The following ADAMTSL2 variants were observed in gnomAD, a reference collection of about 807,000 sequenced individuals.
ADAMTSL2 encodes ADAMTS like 2.
In ADAMTSL2, 55 loss-of-function variants were observed where a neutral mutation model predicts 117.0. The ratio of observed to expected loss-of-function variants is 0.47; its 90% CI spans 0.38 to 0.59. The LOEUF is 0.59. Ranked by LOEUF, ADAMTSL2 falls within the 20% of genes least tolerant of loss-of-function variation. The probability of loss-of-function intolerance (pLI) is 0.00; values close to 1 mark genes in which losing one functional copy is unlikely to be tolerated. For synonymous variants in ADAMTSL2, 572 were observed against 566.4 expected, an observed-to-expected ratio of 1.01 and a Z score of -0.14; for missense variants, 1,182 against 1,354.5, an observed-to-expected ratio of 0.87 and a Z score of 2.00.
At chr9:133,543,802 A>G (rs1564496597) in intron 7 of ADAMTSL2, among the ~76,000 whole-genome samples, 2 of 152,242 alleles carry the variant, frequency 1.3e-5, no homozygotes, top group African/African-American at 4.8e-5. Flanking sequence ...GCCACCTGCC[A>G]GCAATGCCTC....
At chr9:133,553,377 G>A (rs1830530641) in intron 9 of ADAMTSL2, among the ~76,000 whole-genome samples, 3 of 152,082 alleles carry the variant, frequency 2.0e-5, no homozygotes, top group Admixed American at 1.3e-4. Flanking sequence ...TGCAGGACAC[G>A]AGGGTGTCTT....
chr9:133,538,644 A>C (rs1830114158), intron 4 of ADAMTSL2, among the ~76,000 whole-genome samples: 1 of 152,026 alleles, frequency 6.6e-6, no homozygotes, highest in Non-Finnish European at 1.5e-5. Flanking sequence ...ACATGTGCTC[A>C]GCAATGCTGG....
chr9:133,551,050 C>A (rs1206993171), intron 9 of ADAMTSL2, among the ~76,000 whole-genome samples: 1 of 152,192 alleles, frequency 6.6e-6, no homozygotes, highest in Non-Finnish European at 1.5e-5. Context: ...AGCCACTTGC[C>A]ACCACCCATG....
chr9:133,540,171 C>T (rs1830180791), intron 5 of ADAMTSL2, among the ~76,000 whole-genome samples: 1 of 152,208 alleles, frequency 6.6e-6, no homozygotes, highest in South Asian at 2.1e-4. Context: ...AGACAGGAAC[C>T]AGCCTAGACG....
chr9:133,561,794 T>G (rs914301272), intron 12 of ADAMTSL2, among the ~76,000 whole-genome samples: 81 of 150,950 alleles, frequency 5.4e-4, no homozygotes, highest in African/African-American at 1.7e-3. Context: ...CAGACAGATG[T>G]GTGTGGTTAG....
At chr9:133,534,539 C>G (rs1297196556), upstream of ADAMTSL2, 4 of 791,916 alleles carry the variant, frequency 5.1e-6, no homozygotes, top group Non-Finnish European at 6.8e-6. Flanking sequence ...CCGGCAGCAG[C>G]CAACAGGCAG....
chr9:133,574,309 C>G (rs1237323493), intron 18 of ADAMTSL2, among the ~76,000 whole-genome samples: 1 of 152,190 alleles, frequency 6.6e-6, no homozygotes, highest in Non-Finnish European at 1.5e-5. Flanking sequence ...TCCAGGATGA[C>G]TCAGCTGGAG....
chr9:133,534,585 C>T, upstream of ADAMTSL2: 1 of 1,139,416 alleles, frequency 8.8e-7, no homozygotes, highest in Non-Finnish European at 1.1e-6. Flanking sequence ...AGGCGCAGAG[C>T]GGGTTAAAGT....
chr9:133,561,534 C>CGGGCTACCACCA (rs1392010966), intron 12 of ADAMTSL2, among the ~76,000 whole-genome samples: 1 of 152,114 alleles, frequency 6.6e-6, no homozygotes, highest in Non-Finnish European at 1.5e-5. Context: ...GGGGGTCATC[C>CGGGCTACCACCA]GGGCTACCAC....
intron 6 of ADAMTSL2, 28 bp from the exon 7 acceptor site, chr9:133,540,850 G>A (rs1032164953): frequency 1.7e-5 from 28 of 1,613,272 alleles, no homozygotes; most frequent in Middle Eastern, 1.6e-4. Flanking sequence ...CGCCCTCCCA[G>A]CAGCCCTCTC....
intron 6 of ADAMTSL2, 26 bp downstream of exon 6, chr9:133,540,769 C>T (rs769018713): frequency 1.7e-5 from 27 of 1,613,510 alleles, no homozygotes; most frequent in Middle Eastern, 1.6e-4. Flanking sequence ...AGCAAAAGTA[C>T]CGCCGGTCTC....
At chr9:133,569,031 GTC>G (rs1831043235) in intron 15 of ADAMTSL2, among the ~76,000 whole-genome samples, 1 of 151,862 alleles carries the variant, frequency 6.6e-6, no homozygotes, top group African/African-American at 2.4e-5. Flanking sequence ...CTGTTGGTCT[GTC>G]TCTGTCTCCC....
At chr9:133,573,106 C>CCCAGGG (rs1453100351) in intron 17 of ADAMTSL2, among the ~76,000 whole-genome samples, 2 of 152,190 alleles carry the variant, frequency 1.3e-5, no homozygotes, top group African/African-American at 2.4e-5. Context: ...GAGAGTGGGT[C>CCCAGGG]CCAGGGCCAG....
chr9:133,568,314 G>C lies in ADAMTSL2; in HGVS notation c.1916G>C (p.Gly639Ala). The C allele has an allele frequency of 6.3e-7, 1 of 1,580,982 alleles. No homozygotes were observed. The highest frequency in any genetic ancestry group is 8.6e-7 in the Non-Finnish European group (1 of 1,164,508). Reference sequence around the variant, plus strand: ...TGGAGCGAGTGTTCGCGCACCTGCGGAGAGGGCTACCAGTTCCGCGTCGTG... The same window carrying C: ...TGGAGCGAGTGTTCGCGCACCTGCGCAGAGGGCTACCAGTTCCGCGTCGTG... ...SSWSECSRTC[G>A]EGYQFRVVRC... Residue 639 changes from glycine (G) to alanine (A), a missense_variant, in exon 14 of 19, where the codon GGA becomes GCA. Gly to Ala is a moderately conservative substitution (Grantham distance 60, BLOSUM62 0). This residue lies in a region of ADAMTSL2 where 465 missense variants were observed against 565.3 expected (regional missense o/e 0.82). Coordinates refer to ENST00000651351, the MANE Select transcript of ADAMTSL2 (RefSeq NM_014694.4).
At chr9:133,569,260 T>C (rs900300453) in intron 15 of ADAMTSL2, 148 bp from the exon 16 acceptor site, 177 of 736,022 alleles carry the variant, frequency 2.4e-4, no homozygotes, top group Admixed American at 4.6e-4. Context: ...GTAATTAGAA[T>C]AGAAAATGTT....
rs1043857222 is a variant in ADAMTSL2 at position 133,558,512 on chromosome 9, G to A, written c.1649+2582G>A. Among the ~76,000 whole-genome samples, 9 of 152,348 alleles carry A rather than the reference G, an allele frequency of 5.9e-5. 1 individual carries two copies. The South Asian group carries it at 8.3e-4, about 14-fold the overall frequency. ...ACAAGCTTCTGAGACACAGAGACGC[G>A]GAGTCCCTCTCCGCAGCCTTGGGGG... On this transcript the variant is annotated intron_variant, in intron 11 of 18. Transcript: ENST00000651351. This position sits in a 1 kb window ranked among gnomAD's most constrained non-coding sequence, Gnocchi z 4.3.
chr9:133,532,917 C>T (rs952534728), upstream of ADAMTSL2, among the ~76,000 whole-genome samples: 2 of 152,310 alleles, frequency 1.3e-5, no homozygotes, highest in East Asian at 1.9e-4. Flanking sequence ...CAGCCTGTGC[C>T]GTCCTGCTGA....
Position 133,557,913 on chromosome 9 carries a change from C to CA in ADAMTSL2, c.1649+1984dup, listed in dbSNP as rs1196866790. On this transcript the variant is annotated intron_variant, in intron 11 of 18. Coordinates refer to ENST00000651351, the MANE Select transcript of ADAMTSL2 (RefSeq NM_014694.4). The surrounding 1 kb of genome is among the most constrained non-coding windows in gnomAD (Gnocchi z 5.2). ...AGGCATGGACACTGTGTGAGTTGAG[C>CA]ATCTCTGTCTTCCTCTGGGCCTCAG... Among the ~76,000 whole-genome samples, 1 of 152,162 alleles carries CA rather than the reference C, an allele frequency of 6.6e-6. No homozygotes were observed. Among genetic ancestry groups the CA allele is most frequent in the East Asian group, 1.9e-4 (1 of 5,190 alleles).
intron 9 of ADAMTSL2, among the ~76,000 whole-genome samples, chr9:133,548,238 A>G (rs1363670334): frequency 6.6e-6 from 1 of 152,234 alleles, no homozygotes; most frequent in Non-Finnish European, 1.5e-5. Context: ...GCCTGGTGCC[A>G]GAGCCTGTTC....
Sources: gnomAD v4.1 joint callset for allele counts (sites outside exome capture counted in the v4.1 genomes callset) on GRCh38, gnomAD v4.1.1 for gene constraint, gnomAD v4.1.1 regional missense constraint, Gnocchi (gnomAD v3.1) non-coding constraint, MANE v1.5 for transcripts, NCBI Gene and HGNC (gene_info 2026-07-23, HGNC 2026-07-21) for gene names.